CADM2: variants seen among roughly 807,000 people sequenced by gnomAD.
CADM2 encodes cell adhesion molecule 2.
In CADM2, 12 loss-of-function variants were observed where a neutral mutation model predicts 49.8. The observed-to-expected ratio is 0.24, with a 90% CI of 0.15 to 0.39. The LOEUF (loss-of-function observed/expected upper bound fraction) is 0.39, where lower values mean the gene tolerates loss of function less well. Ranked by LOEUF, CADM2 falls within the 10% of genes least tolerant of loss-of-function variation. The pLI is 1.00. For missense variants in CADM2, 378 were observed against 492.3 expected (o/e 0.77, Z 2.20); for synonymous variants, 214 against 175.4 (o/e 1.22, Z -1.74).
intron 8 of CADM2, among the ~76,000 whole-genome samples, chr3:86,060,242 GA>G (rs1157708230): frequency 6.6e-5 from 10 of 150,654 alleles, no homozygotes; most frequent in African/African-American, 2.4e-4. Flanking sequence ...AAAGGAAAGA[GA>G]AAATGGCCTA....
At chr3:85,867,740 G>A (rs1032536144) in intron 3 of CADM2, among the ~76,000 whole-genome samples, 7 of 152,004 alleles carry the variant, frequency 4.6e-5, no homozygotes, top group Non-Finnish European at 1.0e-4. Flanking sequence ...CGTTTAAATA[G>A]CATTGTACAC....
At chr3:86,012,637 G>A in intron 8 of CADM2, 2 of 1,556,650 alleles carry the variant, frequency 1.3e-6, no homozygotes, top group African/African-American at 1.4e-5. Flanking sequence ...GGTTCCCGCG[G>A]GACCCGGCCA....
At chr3:85,129,042 A>AT (rs930229158) in intron 1 of CADM2, among the ~76,000 whole-genome samples, 5 of 151,984 alleles carry the variant, frequency 3.3e-5, no homozygotes, top group Admixed American at 2.6e-4. Context: ...GTGTGTGTTC[A>AT]TTTTTTCATT....
At chr3:85,214,343 C>T (rs1425398773) in intron 1 of CADM2, among the ~76,000 whole-genome samples, 1 of 152,034 alleles carries the variant, frequency 6.6e-6, no homozygotes, top group Non-Finnish European at 1.5e-5. Context: ...GTAACACAGG[C>T]ACCTCTGTGG....
intron 2 of CADM2, among the ~76,000 whole-genome samples, chr3:85,745,364 T>C (rs1468407792): frequency 6.6e-6 from 1 of 152,168 alleles, no homozygotes; most frequent in Non-Finnish European, 1.5e-5. Context: ...TCTTCTTTTA[T>C]TTCCTAGTTG....
At chr3:85,353,039 G>A (rs1472148492) in intron 1 of CADM2, among the ~76,000 whole-genome samples, 2 of 152,104 alleles carry the variant, frequency 1.3e-5, no homozygotes, top group Non-Finnish European at 2.9e-5. Flanking sequence ...TAAATGCTTT[G>A]AACATATTCA....
chr3:85,255,870 A>G (rs2042873504), intron 1 of CADM2, among the ~76,000 whole-genome samples: 1 of 152,078 alleles, frequency 6.6e-6, no homozygotes. Flanking sequence ...ATAAGCATTT[A>G]CTTGTGTTTA....
At chr3:85,609,316 C>G (rs2063617238) in intron 1 of CADM2, among the ~76,000 whole-genome samples, 1 of 152,042 alleles carries the variant, frequency 6.6e-6, no homozygotes, top group African/African-American at 2.4e-5. Context: ...ATATTAACTA[C>G]AAAATAATAC....
chr3:86,011,850 A>T (rs1731552585), intron 8 of CADM2, among the ~76,000 whole-genome samples: 1 of 152,170 alleles, frequency 6.6e-6, no homozygotes, highest in Non-Finnish European at 1.5e-5. Flanking sequence ...CATAATGGGA[A>T]TATAAGTGAT....
At chr3:85,018,733 A>G (rs2034367890) in intron 1 of CADM2, among the ~76,000 whole-genome samples, 1 of 152,140 alleles carries the variant, frequency 6.6e-6, no homozygotes, top group Non-Finnish European at 1.5e-5. Flanking sequence ...GCTGTCTCCT[A>G]TGGTAAGAAC....
chr3:85,867,566 G>T (rs941176128), intron 3 of CADM2, among the ~76,000 whole-genome samples: 1 of 151,898 alleles, frequency 6.6e-6, no homozygotes, highest in African/African-American at 2.4e-5. Context: ...ATTTTAAAAA[G>T]AATTTATTTT....
At chr3:85,881,225 T>TCTGTAACG (rs1479093368) in intron 3 of CADM2, among the ~76,000 whole-genome samples, 1 of 152,154 alleles carries the variant, frequency 6.6e-6, no homozygotes, top group Non-Finnish European at 1.5e-5. Context: ...CTTTTGTATT[T>TCTGTAACG]TTATTTCTGT....
chr3:86,049,633 G>C (rs1283338146), intron 8 of CADM2, among the ~76,000 whole-genome samples: 3 of 152,104 alleles, frequency 2.0e-5, no homozygotes, highest in Non-Finnish European at 4.4e-5. Context: ...GAAATGCGAT[G>C]CTGCCATCTG....
chr3:85,295,390 T>C (rs1356651681), intron 1 of CADM2, among the ~76,000 whole-genome samples: 1 of 152,182 alleles, frequency 6.6e-6, no homozygotes, highest in Non-Finnish European at 1.5e-5. Flanking sequence ...TGGCGATTCC[T>C]CAGGGATCTA....
At chr3:85,301,642 T>C (rs2044103519) in intron 1 of CADM2, among the ~76,000 whole-genome samples, 2 of 152,030 alleles carry the variant, frequency 1.3e-5, no homozygotes, top group South Asian at 4.1e-4. Context: ...ATAGTCTGCT[T>C]GCCTTTTATA....
At chr3:85,824,434 GGTGAGTGCACA>G (rs6147939) in intron 3 of CADM2, among the ~76,000 whole-genome samples, 59,924 of 151,288 alleles carry the variant, frequency 0.4, 12,119 homozygotes, top group East Asian at 0.56. Flanking sequence ...AAAAACTCAA[GGTGAGTGCACA>G]GTGCACAAAG....
chr3:85,619,971 A>G (rs1021849969), intron 1 of CADM2, among the ~76,000 whole-genome samples: 17 of 152,214 alleles, frequency 1.1e-4, no homozygotes, highest in Non-Finnish European at 2.2e-4. Context: ...TTACAATTAT[A>G]CAAACCAAAG....
intron 3 of CADM2, among the ~76,000 whole-genome samples, chr3:85,830,296 C>T (rs1401832365): frequency 2.0e-5 from 3 of 151,806 alleles, no homozygotes; most frequent in African/African-American, 7.3e-5. Flanking sequence ...TTTTCATATA[C>T]CTTTTGGCCA....
At chr3:85,624,726 C>T (rs931969331) in intron 1 of CADM2, among the ~76,000 whole-genome samples, 9 of 152,086 alleles carry the variant, frequency 5.9e-5, no homozygotes, top group Admixed American at 2.0e-4. Context: ...ACTTCATTCA[C>T]ATTATTCCCA....
Sources: allele counts gnomAD v4.1 joint callset (sites outside exome capture counted in the v4.1 genomes callset), GRCh38; gene constraint gnomAD v4.1.1; transcripts MANE v1.5; gene names NCBI Gene and HGNC (gene_info 2026-07-23, HGNC 2026-07-21).